The following NPHP4 variants were observed in gnomAD, a reference collection of about 807,000 sequenced individuals.
The protein encoded by NPHP4 is nephrocystin 4, also known as nephrocystin-4.
A neutral mutation model predicts 155.8 loss-of-function variants in NPHP4; 151 were observed. That is an observed-to-expected ratio of 0.97 (90% CI 0.85 to 1.11). The LOEUF is 1.11. Ranked by LOEUF, NPHP4 falls within the 50% of genes least tolerant of loss-of-function variation. NPHP4 has a pLI of 0.00. For missense variants in NPHP4, 1,956 were observed against 1,925.7 expected, an observed-to-expected ratio of 1.02 and a Z score of -0.29; for synonymous variants, 845 against 816.8, an observed-to-expected ratio of 1.03 and a Z score of -0.59.
intron 16 of NPHP4, among the ~76,000 whole-genome samples, chr1:5,897,148 A>G (rs1486873124): frequency 6.6e-6 from 1 of 152,082 alleles, no homozygotes; most frequent in Non-Finnish European, 1.5e-5. Context: ...AAAGAATGTG[A>G]GCTAATAAAG....
intron 3 of NPHP4, among the ~76,000 whole-genome samples, chr1:5,976,428 C>T (rs759312244): frequency 3.3e-5 from 5 of 152,210 alleles, no homozygotes; most frequent in Non-Finnish European, 2.9e-5. Context: ...TCACTGTGCA[C>T]ATCTGAGAAA....
At chr1:5,952,933 C>T in intron 6 of NPHP4, 97 bp from the exon 7 acceptor site, 1 of 1,189,066 alleles carries the variant, frequency 8.4e-7, no homozygotes, top group Non-Finnish European at 1.2e-6. Flanking sequence ...CAGCCGGGGC[C>T]TGCAGCAACG....
intron 18 of NPHP4, chr1:5,880,578 A>C: frequency 9.8e-6 from 3 of 306,668 alleles, no homozygotes; most frequent in Non-Finnish European, 1.9e-5. Context: ...ACAAACTCTA[A>C]CCTCGGCCTC....
At chr1:5,947,066 C>T (rs1259076883) in intron 9 of NPHP4, 38 bp downstream of exon 9, 2 of 1,612,678 alleles carry the variant, frequency 1.2e-6, no homozygotes. Flanking sequence ...ACAGAGTTCA[C>T]CACCAGAGGA....
chr1:5,989,758 G>A (rs575627534), intron 1 of NPHP4, among the ~76,000 whole-genome samples: 54 of 152,264 alleles, frequency 3.5e-4, no homozygotes, highest in African/African-American at 1.2e-3. Flanking sequence ...TTTCTGACCC[G>A]GTGCCTCCTG....
intron 11 of NPHP4, among the ~76,000 whole-genome samples, chr1:5,915,224 G>A (rs960875315): frequency 2.6e-5 from 4 of 152,074 alleles, no homozygotes; most frequent in African/African-American, 9.7e-5. Flanking sequence ...TTGGGCCTTG[G>A]GCCTTGGGGG....
At chr1:5,913,378 A>T (rs1396552363) in intron 11 of NPHP4, among the ~76,000 whole-genome samples, 2 of 152,080 alleles carry the variant, frequency 1.3e-5, no homozygotes, top group African/African-American at 4.8e-5. Context: ...AAAAACTTAG[A>T]CTTCCCACCA....
At chr1:5,932,660 T>TTA (rs1553179727) in intron 10 of NPHP4, among the ~76,000 whole-genome samples, 3 of 136,818 alleles carry the variant, frequency 2.2e-5, no homozygotes, top group African/African-American at 8.3e-5. Flanking sequence ...ATTTCAGAAT[T>TTA]AAAAAAAAAA....
chr1:5,989,499 G>A (rs936463666), intron 1 of NPHP4, among the ~76,000 whole-genome samples: 2 of 152,154 alleles, frequency 1.3e-5, no homozygotes, highest in African/African-American at 2.4e-5. Flanking sequence ...TGAATTGCTC[G>A]CTGGCCAAGT....
At chr1:5,866,581 C>T in intron 25 of NPHP4, 123 bp from the exon 26 acceptor site, 1 of 670,944 alleles carries the variant, frequency 1.5e-6, no homozygotes. Context: ...CGCATCTGTT[C>T]ATGTTCTATA....
At chr1:5,914,683 C>T (rs745864879) in intron 11 of NPHP4, among the ~76,000 whole-genome samples, 10 of 152,190 alleles carry the variant, frequency 6.6e-5, no homozygotes, top group Non-Finnish European at 1.5e-4. Context: ...CAGATGCCTG[C>T]GCTATGACAG....
intron 1 of NPHP4, among the ~76,000 whole-genome samples, chr1:5,988,749 G>A (rs1655836641): frequency 6.6e-6 from 1 of 151,604 alleles, no homozygotes; most frequent in African/African-American, 2.4e-5. Flanking sequence ...GAGGGGCCTT[G>A]GCCCAGGGTC....
intron 23 of NPHP4, among the ~76,000 whole-genome samples, chr1:5,872,864 C>T (rs758341673): frequency 2.6e-5 from 4 of 152,178 alleles, no homozygotes; most frequent in Admixed American, 6.5e-5. Context: ...TAGCAAGGGA[C>T]GTAACCAAGG....
intron 1 of NPHP4, 47 bp from the exon 2 acceptor site, chr1:5,986,374 G>A (rs756758360): frequency 2.6e-5 from 39 of 1,471,734 alleles, no homozygotes; most frequent in Non-Finnish European, 3.6e-5. Flanking sequence ...GAGGGCTACA[G>A]TGGTCACAGC....
chr1:5,888,411 A>T (rs1008551256), intron 17 of NPHP4: 1 of 1,089,768 alleles, frequency 9.2e-7, no homozygotes, highest in African/African-American at 1.7e-5. Flanking sequence ...GTAATTCTCC[A>T]GTTTCTACAG....
rs1034633701 is a variant in NPHP4, at chr1:5,863,031, G to A, written c.*234C>T. On this transcript the variant is annotated 3_prime_UTR_variant, in exon 30 of 30. Transcript: ENST00000378156. The stretch of plus-strand genomic sequence containing the variant: ...GCACCAGAGCCAGACCCACCACCAC[G>A]GAGTTCGCGCTCACGGAACCCAGGC... 2.6e-5 allele frequency: 15 copies of A among 567,320 alleles called. No individual in the cohort carries two copies. The highest frequency in any genetic ancestry group is 1.7e-4 in the African/African-American group (9 of 53,434). The allele number at this position is 567,320 out of a possible 1,614,324, so 35.1% of individuals were successfully genotyped here. A position where few individuals can be genotyped will look rare whatever the true frequency, so the allele number is the denominator to read the frequency against.
At position 5,955,556 on chromosome 1, in the gene NPHP4, G is replaced by A. The variant is rs114616904; in HGVS notation, c.674-2720C>T. Among the ~76,000 whole-genome samples the A allele has an allele frequency of 7.1e-3, 1,077 of 152,344 alleles. 8 individuals are homozygous for A. Among genetic ancestry groups the A allele is most frequent in the African/African-American group, 0.024 (1,010 of 41,568 alleles). The stretch of plus-strand genomic sequence containing the variant: ...CACAATGGAGTACTTACGCAACCAC[G>A]ATCAAAGAATGAAGTCCTGTCGCTT... On this transcript the variant is annotated intron_variant, in intron 6 of 29. Coordinates refer to ENST00000378156, the MANE Select transcript of NPHP4 (RefSeq NM_015102.5).
At chr1:5,912,389 T>A (rs1174291859) in intron 11 of NPHP4, among the ~76,000 whole-genome samples, 1 of 151,814 alleles carries the variant, frequency 6.6e-6, no homozygotes, top group Non-Finnish European at 1.5e-5. Flanking sequence ...ATACAAAAAA[T>A]TAGCCGGGTA....
intron 11 of NPHP4, among the ~76,000 whole-genome samples, chr1:5,919,608 G>T (rs770854235): frequency 1.3e-5 from 2 of 152,208 alleles, no homozygotes; most frequent in Non-Finnish European, 2.9e-5. Flanking sequence ...GAGTCAGCAT[G>T]CCCTAAAGTG....
Sources: allele counts gnomAD v4.1 joint callset (sites outside exome capture counted in the v4.1 genomes callset), GRCh38; gene constraint gnomAD v4.1.1; transcripts MANE v1.5; gene names NCBI Gene and HGNC (gene_info 2026-07-23, HGNC 2026-07-21).